GLMN: variants seen among roughly 807,000 people sequenced by gnomAD.
GLMN encodes the protein glomulin, FKBP associated protein, also known as glomulin.
GLMN carries 75 observed loss-of-function variants against 87.8 expected under a neutral mutation model. That is an observed-to-expected ratio of 0.85 (90% CI 0.71 to 1.04). The LOEUF (loss-of-function observed/expected upper bound fraction) is 1.04, where lower values mean the gene tolerates loss of function less well. Ranked by LOEUF, GLMN falls within the 50% of genes least tolerant of loss-of-function variation. The probability of loss-of-function intolerance (pLI) is 0.00; values close to 1 mark genes in which losing one functional copy is unlikely to be tolerated. For synonymous variants in GLMN, 206 were observed against 221.6 expected (o/e 0.93, Z 0.63); for missense variants, 588 against 658.8 (o/e 0.89, Z 1.18).
At chr1:92,323,561 A>G in the GLMN span, 5 of 1,613,280 alleles carry the variant, frequency 3.1e-6, no homozygotes, top group South Asian at 3.3e-5. Flanking sequence ...ACTCACAGTG[A>G]TAGTAGCAGT....
At chr1:92,320,852 C>G in the GLMN span, among the ~76,000 whole-genome samples, 1 of 152,104 alleles carries the variant, frequency 6.6e-6, no homozygotes, top group Non-Finnish European at 1.5e-5. Flanking sequence ...ACAGCTGTTC[C>G]TCCCGAGGAA....
chr1:92,268,071 T>C (rs769368413), intron 10 of GLMN, 34 bp downstream of exon 10: 7 of 1,402,160 alleles, frequency 5.0e-6, no homozygotes, highest in East Asian at 4.6e-5. Flanking sequence ...GACATAACTA[T>C]GTATTTAAGT....
the GLMN span, among the ~76,000 whole-genome samples, chr1:92,345,320 C>T: frequency 6.9e-6 from 1 of 144,200 alleles, no homozygotes; most frequent in Non-Finnish European, 1.5e-5. Flanking sequence ...GCACCATGAT[C>T]ATGCCTATGA....
the GLMN span, among the ~76,000 whole-genome samples, chr1:92,356,093 G>C: frequency 6.6e-6 from 1 of 152,054 alleles, no homozygotes; most frequent in Admixed American, 6.6e-5. Context: ...CACTCCAACT[G>C]TGGGCCTTTT....
At chr1:92,292,351 A>C (rs1229390836) in intron 3 of GLMN, among the ~76,000 whole-genome samples, 1 of 152,132 alleles carries the variant, frequency 6.6e-6, no homozygotes, top group African/African-American at 2.4e-5. Flanking sequence ...CAGGAGTTTG[A>C]GACCAGCCTG....
intron 16 of GLMN, among the ~76,000 whole-genome samples, chr1:92,249,609 T>G (rs947512846): frequency 1.5e-4 from 23 of 152,176 alleles, no homozygotes; most frequent in African/African-American, 5.3e-4. Flanking sequence ...CTCTTGAGTA[T>G]TCATCATTTC....
At chr1:92,254,463 T>C (rs989910798) in intron 16 of GLMN, among the ~76,000 whole-genome samples, 3 of 152,000 alleles carry the variant, frequency 2.0e-5, no homozygotes, top group Non-Finnish European at 4.4e-5. Context: ...AGACACATAA[T>C]CATCAGATTC....
chr1:92,297,572 T>C (rs773352573), intron 2 of GLMN, 43 bp from the exon 3 acceptor site: 1 of 1,470,130 alleles, frequency 6.8e-7, no homozygotes, highest in Non-Finnish European at 9.3e-7. Flanking sequence ...CAAAAAAAAG[T>C]ATATGCAAAT....
intron 16 of GLMN, among the ~76,000 whole-genome samples, chr1:92,252,922 C>T (rs1202947670): frequency 6.6e-6 from 1 of 152,052 alleles, no homozygotes; most frequent in Non-Finnish European, 1.5e-5. Context: ...TAGCATATCT[C>T]TCTCACAAAA....
the GLMN span, among the ~76,000 whole-genome samples, chr1:92,354,315 G>C: frequency 1.3e-5 from 2 of 152,172 alleles, no homozygotes; most frequent in East Asian, 3.9e-4. Context: ...TTCAATCTTA[G>C]AGTATTGAAA....
rs888756815 is a variant in GLMN, at chr1:92,271,335, T to C, written c.923+130A>G. Reference sequence around the variant, plus strand: ...CAGATTATAGCTGGGATCATTCTTATTAAAAATAGCCTTTACTATTTATTT... The same window carrying C: ...CAGATTATAGCTGGGATCATTCTTACTAAAAATAGCCTTTACTATTTATTT... On this transcript the variant is annotated intron_variant, in intron 8 of 18. Coordinates refer to ENST00000370360, the MANE Select transcript of GLMN (RefSeq NM_053274.3). 2.8e-4 allele frequency: 206 copies of C among 744,164 alleles called. 1 individual carries two copies. The highest frequency in any genetic ancestry group is 4.5e-4 in the Non-Finnish European group (191 of 426,016). The allele number at this position is 744,164 out of a possible 1,614,324, so 46.1% of individuals were successfully genotyped here.
the GLMN span, among the ~76,000 whole-genome samples, chr1:92,343,780 A>G: frequency 6.6e-6 from 1 of 152,196 alleles, no homozygotes; most frequent in Non-Finnish European, 1.5e-5. Flanking sequence ...AAAAAAAGAA[A>G]AACATATAGC....
chr1:92,332,292 C>G, the GLMN span, among the ~76,000 whole-genome samples: 2 of 151,978 alleles, frequency 1.3e-5, no homozygotes, highest in African/African-American at 4.8e-5. Flanking sequence ...CCGTATTTTT[C>G]TATTCTAGGG....
the GLMN span, among the ~76,000 whole-genome samples, chr1:92,350,452 T>C: frequency 6.6e-6 from 1 of 152,188 alleles, no homozygotes; most frequent in African/African-American, 2.4e-5. Context: ...TTGGTTGTAA[T>C]TTTGCATCTT....
At chr1:92,266,369 T>C (rs1326161077) in intron 13 of GLMN, 50 bp downstream of exon 13, 2 of 939,404 alleles carry the variant, frequency 2.1e-6, no homozygotes, top group Admixed American at 3.4e-5. Context: ...GGCATTAACA[T>C]GACTTTTAAT....
chr1:92,279,883 G>A (rs1193756088), intron 7 of GLMN, among the ~76,000 whole-genome samples: 1 of 152,050 alleles, frequency 6.6e-6, no homozygotes, highest in East Asian at 1.9e-4. Flanking sequence ...CGACCTGCGA[G>A]GCTGCAGCTA....
At chr1:92,252,683 C>T (rs557706773) in intron 16 of GLMN, among the ~76,000 whole-genome samples, 1 of 151,950 alleles carries the variant, frequency 6.6e-6, no homozygotes, top group African/African-American at 2.4e-5. Flanking sequence ...TATTTTTTCT[C>T]TCAAGGTTAC....
intron 4 of GLMN, among the ~76,000 whole-genome samples, chr1:92,291,050 T>C (rs910108333): frequency 1.3e-5 from 2 of 152,216 alleles, no homozygotes; most frequent in African/African-American, 4.8e-5. Context: ...GAGATTTTAA[T>C]CTAGTTCCAA....
the GLMN span, among the ~76,000 whole-genome samples, chr1:92,312,871 G>C: frequency 1.3e-5 from 2 of 151,186 alleles, no homozygotes; most frequent in African/African-American, 2.4e-5. Context: ...ACCCAGGCTG[G>C]AGTGCAGTGG....
Sources: allele counts gnomAD v4.1 joint callset (sites outside exome capture counted in the v4.1 genomes callset), GRCh38; gene constraint gnomAD v4.1.1; transcripts MANE v1.5; gene names NCBI Gene and HGNC (gene_info 2026-07-23, HGNC 2026-07-21).